Variants in EEIG1 observed in about 807,000 individuals in gnomAD.
The protein encoded by EEIG1 is estrogen-induced osteoclastogenesis regulator 1, also known as early estrogen-induced gene 1 protein.
At chr9:127,980,714 G>C in the EEIG1 span, among the ~76,000 whole-genome samples, 1 of 150,108 alleles carries the variant, frequency 6.7e-6, no homozygotes, top group Non-Finnish European at 1.5e-5. Flanking sequence ...CCAGGAGCTC[G>C]GGGGCCTCTC....
At chr9:127,964,539 G>A in the EEIG1 span, among the ~76,000 whole-genome samples, 1 of 152,246 alleles carries the variant, frequency 6.6e-6, no homozygotes, top group Non-Finnish European at 1.5e-5. Context: ...CAGAGTTGGA[G>A]CAAAAGTGCA....
the EEIG1 span, among the ~76,000 whole-genome samples, chr9:127,971,618 C>T: frequency 2.0e-5 from 3 of 152,154 alleles, no homozygotes; most frequent in African/African-American, 7.2e-5. Flanking sequence ...TGGTTCAGAG[C>T]CAGGGGAGAA....
chr9:127,979,914 G>A, the EEIG1 span: 8 of 1,497,096 alleles, frequency 5.3e-6, no homozygotes, highest in Middle Eastern at 4.7e-4. Context: ...GGCCCCAAGG[G>A]GCCCTTCCAC....
the EEIG1 span, among the ~76,000 whole-genome samples, chr9:127,957,592 T>C: frequency 6.6e-6 from 1 of 152,252 alleles, no homozygotes; most frequent in Admixed American, 6.5e-5. Flanking sequence ...TTGGCAGAAC[T>C]TTGACAAGCT....
At chr9:127,960,740 G>C in the EEIG1 span, among the ~76,000 whole-genome samples, 1 of 152,156 alleles carries the variant, frequency 6.6e-6, no homozygotes, top group South Asian at 2.1e-4. Context: ...GGGAACGCCA[G>C]CCAGGAAGCC....
At chr9:127,943,368 A>C in the EEIG1 span, 1 of 831,308 alleles carries the variant, frequency 1.2e-6, no homozygotes, top group Non-Finnish European at 2.0e-6. Context: ...AGGGGCTAAA[A>C]CCGTGCCCCA....
the EEIG1 span, chr9:127,948,515 A>G: frequency 8.9e-7 from 1 of 1,122,586 alleles, no homozygotes; most frequent in Non-Finnish European, 1.3e-6. Context: ...AAGGGCTTGG[A>G]TTCCAATCCT....
the EEIG1 span, among the ~76,000 whole-genome samples, chr9:127,954,827 T>C: frequency 1.3e-5 from 2 of 152,152 alleles, no homozygotes; most frequent in Non-Finnish European, 2.9e-5. Flanking sequence ...AGCCCCCCGG[T>C]TCCTCCTGAG....
At chr9:127,946,581 G>A in the EEIG1 span, among the ~76,000 whole-genome samples, 1 of 152,204 alleles carries the variant, frequency 6.6e-6, no homozygotes, top group Non-Finnish European at 1.5e-5. Context: ...CCCTGCCTGG[G>A]GGAGGGGCCT....
chr9:127,970,838 G>A, the EEIG1 span, among the ~76,000 whole-genome samples: 5 of 108,272 alleles, frequency 4.6e-5, no homozygotes, highest in Admixed American at 3.0e-4. Context: ...TCTCCCACCC[G>A]CCACCTGCTA....
the EEIG1 span, among the ~76,000 whole-genome samples, chr9:127,956,708 G>C: frequency 5.1e-4 from 76 of 149,992 alleles, no homozygotes; most frequent in Non-Finnish European, 9.3e-4. Flanking sequence ...ACCACACCCG[G>C]CCATTATTAT....
At chr9:127,943,396 G>A in the EEIG1 span, 1 of 675,146 alleles carries the variant, frequency 1.5e-6, no homozygotes. Flanking sequence ...TAAGTCCCTT[G>A]CCCACAGTGA....
the EEIG1 span, chr9:127,953,304 G>A: frequency 2.0e-6 from 1 of 508,598 alleles, no homozygotes; most frequent in Non-Finnish European, 3.5e-6. Context: ...CCAATAATGG[G>A]GTCCCAGAAA....
At chr9:127,943,123 CCTCA>C in the EEIG1 span, 3 of 1,475,566 alleles carry the variant, frequency 2.0e-6, no homozygotes. Context: ...GGGGAAAGTT[CCTCA>C]TGGAATGATA....
At chr9:127,971,460 C>A in the EEIG1 span, among the ~76,000 whole-genome samples, 1 of 150,636 alleles carries the variant, frequency 6.6e-6, no homozygotes, top group Non-Finnish European at 1.5e-5. Context: ...GCCTCTGAGC[C>A]CGTGGAGGCA....
chr9:127,948,479 C>A, the EEIG1 span: 2 of 1,535,484 alleles, frequency 1.3e-6, no homozygotes, highest in Admixed American at 3.3e-5. Flanking sequence ...GCAGGGCCCC[C>A]TGCAGCCTTT....
At chr9:127,975,711 C>T in the EEIG1 span, among the ~76,000 whole-genome samples, 1 of 152,090 alleles carries the variant, frequency 6.6e-6, no homozygotes, top group Non-Finnish European at 1.5e-5. Flanking sequence ...CAGTGCCTCC[C>T]TTGTACTCCT....
the EEIG1 span, among the ~76,000 whole-genome samples, chr9:127,980,703 GCCAGGAGCTCGGGGGCCTCT>G: frequency 6.7e-6 from 1 of 150,092 alleles, no homozygotes; most frequent in Non-Finnish European, 1.5e-5. Flanking sequence ...CCAGGGGGCT[GCCAGGAGCTCGGGGGCCTCT>G]CCAGGAGGCG....
the EEIG1 span, among the ~76,000 whole-genome samples, chr9:127,962,544 A>G: frequency 6.6e-6 from 1 of 152,140 alleles, no homozygotes; most frequent in East Asian, 1.9e-4. Flanking sequence ...GAGTGCCACC[A>G]GGGCCGGCTG....
Sources: allele counts gnomAD v4.1 joint callset (sites outside exome capture counted in the v4.1 genomes callset), GRCh38; gene constraint gnomAD v4.1.1; transcripts MANE v1.5; gene names NCBI Gene and HGNC (gene_info 2026-07-23, HGNC 2026-07-21).